SLC16A1: variants seen among roughly 807,000 people sequenced by gnomAD.
The protein encoded by SLC16A1 is solute carrier family 16 member 1, also known as monocarboxylate transporter 1.
A neutral mutation model predicts 32.2 loss-of-function variants in SLC16A1; 11 were observed. The ratio of observed to expected loss-of-function variants is 0.34; its 90% CI spans 0.21 to 0.56. The LOEUF is 0.56. Ranked by LOEUF, SLC16A1 falls within the 20% of genes least tolerant of loss-of-function variation. The pLI is 0.87. For synonymous variants in SLC16A1, 231 were observed against 226.8 expected, an observed-to-expected ratio of 1.02 and a Z score of -0.17; for missense variants, 435 against 615.0, an observed-to-expected ratio of 0.71 and a Z score of 3.10.
At position 112,921,943 on chromosome 1, in the gene SLC16A1, T is replaced by C. The variant is rs968921165; in HGVS notation, c.361+47A>G. 3.7e-6 allele frequency: 6 copies of C among 1,609,016 alleles called. No individual in the cohort carries two copies. The African/African-American group carries it at 8.0e-5, about 22-fold the overall frequency. On this transcript the variant is annotated intron_variant, in intron 3 of 4. Coordinates refer to ENST00000369626, the MANE Select transcript of SLC16A1 (RefSeq NM_003051.4). Reference sequence around the variant, plus strand: ...AAGATGAATGCAGGTAAATACAAAATAGCCAGCCATAAACTAATGCTTCCA... The same window carrying C: ...AAGATGAATGCAGGTAAATACAAAACAGCCAGCCATAAACTAATGCTTCCA...
In SLC16A1 at chr1:112,945,736, T is replaced by A. The variant is rs544426136; in HGVS notation, c.-45+10299A>T. On this transcript the variant is annotated intron_variant, in intron 1 of 4. Coordinates refer to ENST00000369626, the MANE Select transcript of SLC16A1 (RefSeq NM_003051.4). The stretch of plus-strand genomic sequence containing the variant: ...GTCCAGGTGCGGTGGCTCACACCTG[T>A]AATCCCAGCACTTTGAGAGGCCGAG... Among the ~76,000 whole-genome samples the A allele has an allele frequency of 9.9e-5, 15 of 151,536 alleles. No homozygotes were observed. In the South Asian group the frequency reaches 3.1e-3, roughly 32 times the overall value.
At chr1:112,946,584 C>T (rs1179591475) in intron 1 of SLC16A1, among the ~76,000 whole-genome samples, 3 of 152,176 alleles carry the variant, frequency 2.0e-5, no homozygotes, top group South Asian at 2.1e-4. Context: ...GAGGGAGTCT[C>T]GCTCTGTCGC....
At position 112,913,227 on chromosome 1, in the gene SLC16A1, A is replaced by G. The variant is rs1648383895; in HGVS notation, c.*664T>C. 6.6e-6 allele frequency: 1 copy of G among 152,470 alleles called. No homozygotes were observed. The highest frequency in any genetic ancestry group is 2.4e-5 in the African/African-American group (1 of 41,466). The allele number at this position is 152,470 out of a possible 1,614,324, so 9.4% of individuals were successfully genotyped here. A position where few individuals can be genotyped will look rare whatever the true frequency, so the allele number is the denominator to read the frequency against. Reference sequence around the variant, plus strand: ...TACTTGGCTTCTAATAAGCATCCCAAGAAAAGGTACCTGAGAGGGGTTGAC... The same window carrying G: ...TACTTGGCTTCTAATAAGCATCCCAGGAAAAGGTACCTGAGAGGGGTTGAC... On this transcript the variant is annotated 3_prime_UTR_variant, in exon 5 of 5. Coordinates refer to ENST00000369626, the MANE Select transcript of SLC16A1 (RefSeq NM_003051.4).
intron 1 of SLC16A1, among the ~76,000 whole-genome samples, chr1:112,934,947 T>A (rs1001375880): frequency 2.0e-5 from 3 of 152,184 alleles, no homozygotes; most frequent in Admixed American, 6.5e-5. Flanking sequence ...CTAACACAGT[T>A]GGATTAGACA....
At chr1:112,940,332 G>T (rs746325336) in intron 1 of SLC16A1, among the ~76,000 whole-genome samples, 4 of 152,048 alleles carry the variant, frequency 2.6e-5, no homozygotes, top group South Asian at 2.1e-4. Flanking sequence ...CATCAGTCAC[G>T]GCCCGGCTGA....
chr1:112,940,968 A>C (rs1649487072), intron 1 of SLC16A1, among the ~76,000 whole-genome samples: 1 of 152,190 alleles, frequency 6.6e-6, no homozygotes, highest in African/African-American at 2.4e-5. Flanking sequence ...CTCACTTATA[A>C]GTGTGAGCTA....
Position 112,913,733 on chromosome 1 carries a change from A to AG in SLC16A1, c.*157dup, listed in dbSNP as rs1349598321. 4.8e-6 allele frequency: 4 copies of AG among 828,574 alleles called. No homozygotes were observed. Among genetic ancestry groups the AG allele is most frequent in the Non-Finnish European group, 6.0e-6 (3 of 497,980 alleles). 51.3% of individuals were successfully genotyped at this position (828,574 alleles called of 1,614,324 possible). A position where few individuals can be genotyped will look rare whatever the true frequency, so the allele number is the denominator to read the frequency against. On this transcript the variant is annotated 3_prime_UTR_variant, in exon 5 of 5. Coordinates refer to ENST00000369626, the MANE Select transcript of SLC16A1 (RefSeq NM_003051.4). ...CCTCCTCAAATTCAGGCTATTGGTA[A>AG]GGAGTCAAACAAAAATCCCATCAAT...
intron 1 of SLC16A1, among the ~76,000 whole-genome samples, chr1:112,932,005 C>T (rs1306642312): frequency 6.6e-6 from 1 of 152,152 alleles, no homozygotes; most frequent in Non-Finnish European, 1.5e-5. Context: ...AACACAAACG[C>T]TTCTTCATAA....
chr1:112,943,979 G>C (rs780180897), intron 1 of SLC16A1, among the ~76,000 whole-genome samples: 1 of 152,070 alleles, frequency 6.6e-6, no homozygotes, highest in Non-Finnish European at 1.5e-5. Flanking sequence ...TGCCTTCATG[G>C]AGCTTAGATT....
intron 1 of SLC16A1, among the ~76,000 whole-genome samples, chr1:112,936,480 C>CGA (rs1553210486): frequency 1.8e-5 from 1 of 54,892 alleles, no homozygotes; most frequent in East Asian, 6.0e-4. Flanking sequence ...GACTCTGTCT[C>CGA]AAAAAAAAAA....
At chr1:112,924,828 G>A (rs1570626849) in intron 2 of SLC16A1, among the ~76,000 whole-genome samples, 1 of 152,136 alleles carries the variant, frequency 6.6e-6, no homozygotes, top group East Asian at 1.9e-4. Context: ...AGAAGTTGCA[G>A]TGAGATGAGA....
chr1:112,948,685 T>C (rs1454087830), intron 1 of SLC16A1, among the ~76,000 whole-genome samples: 2 of 151,944 alleles, frequency 1.3e-5, no homozygotes, highest in East Asian at 3.9e-4. Flanking sequence ...TATATTTTTG[T>C]AGAGGCAGGG....
intron 2 of SLC16A1, among the ~76,000 whole-genome samples, chr1:112,924,599 A>C (rs1648869007): frequency 1.3e-5 from 2 of 151,998 alleles, no homozygotes; most frequent in African/African-American, 4.8e-5. Context: ...AACAACAACA[A>C]AAAAAAGAAA....
At chr1:112,926,917 T>TA (rs1648960841) in intron 2 of SLC16A1, among the ~76,000 whole-genome samples, 3 of 119,344 alleles carry the variant, frequency 2.5e-5, no homozygotes, top group South Asian at 4.6e-4. Flanking sequence ...ATAAAAAAAC[T>TA]TAAAAAAAAA....
intron 3 of SLC16A1, among the ~76,000 whole-genome samples, chr1:112,920,536 G>A (rs1216906570): frequency 6.6e-6 from 1 of 152,172 alleles, no homozygotes; most frequent in African/African-American, 2.4e-5. Context: ...AACCCAGGAG[G>A]CGGAGATTGC....
intron 1 of SLC16A1, among the ~76,000 whole-genome samples, chr1:112,950,205 T>C (rs1649841092): frequency 6.6e-6 from 1 of 152,146 alleles, no homozygotes; most frequent in African/African-American, 2.4e-5. Context: ...CCTTAGGGGA[T>C]CAATATGCAG....
At chr1:112,914,293 T>C (rs1648428338) in intron 4 of SLC16A1, 128 bp from the exon 5 acceptor site, 1 of 978,282 alleles carries the variant, frequency 1.0e-6, no homozygotes, top group Non-Finnish European at 1.6e-6. Context: ...AAATGATGAA[T>C]TAGTATAAGG....
chr1:112,954,059 A>G (rs1254714971), intron 1 of SLC16A1, among the ~76,000 whole-genome samples: 2 of 152,246 alleles, frequency 1.3e-5, no homozygotes, highest in Non-Finnish European at 2.9e-5. Flanking sequence ...CTGGTAGCCA[A>G]TAACAAATTG....
At chr1:112,940,728 T>C (rs967828754) in intron 1 of SLC16A1, among the ~76,000 whole-genome samples, 1 of 152,228 alleles carries the variant, frequency 6.6e-6, no homozygotes, top group African/African-American at 2.4e-5. Flanking sequence ...ATATATTTTA[T>C]ACTTTGATAA....
Sources: gnomAD v4.1 joint callset for allele counts (sites outside exome capture counted in the v4.1 genomes callset) on GRCh38, gnomAD v4.1.1 for gene constraint, MANE v1.5 for transcripts, NCBI Gene and HGNC (gene_info 2026-07-23, HGNC 2026-07-21) for gene names.